The following CD300LG variants were observed in gnomAD, a reference collection of about 807,000 sequenced individuals.
CD300LG encodes CD300 molecule like family member g.
In CD300LG, 29 loss-of-function variants were observed where a neutral mutation model predicts 31.5. The observed-to-expected ratio is 0.92, with a 90% CI of 0.68 to 1.25. The LOEUF (loss-of-function observed/expected upper bound fraction) is 1.25, where lower values mean the gene tolerates loss of function less well. Among genes scored for constraint, CD300LG ranks in the 50% most tolerant of loss-of-function variants. CD300LG has a pLI of 0.00. For missense variants in CD300LG, 396 were observed against 417.6 expected (o/e 0.95, Z 0.45); for synonymous variants, 175 against 177.2 (o/e 0.99, Z 0.10).
At chr17:43,857,242 C>A in intron 6 of CD300LG, 86 bp downstream of exon 6, 1 of 1,525,444 alleles carries the variant, frequency 6.6e-7, no homozygotes, top group South Asian at 1.1e-5. Context: ...CTGTGACTTC[C>A]TACCTGGTCC....
At chr17:43,858,374 C>T (rs2046583946) in intron 6 of CD300LG, 10 of 990,726 alleles carry the variant, frequency 1.0e-5, no homozygotes, top group Non-Finnish European at 1.2e-5. Context: ...GGGTCTCACC[C>T]CACCTAGCTC....
At position 43,861,782 on chromosome 17, in the gene CD300LG, A is replaced by T; in HGVS notation, c.886-16A>T. 8 of 1,557,608 alleles carry T rather than the reference A, an allele frequency of 5.1e-6. No homozygotes were observed. Among genetic ancestry groups the T allele is most frequent in the Non-Finnish European group, 7.0e-6 (8 of 1,149,266 alleles). ...ATCTGGGTTCTGCTCTCCAAACCCC[A>T]CTGTTGTCTTTACAGACTGCGGAGG... On this transcript the variant is annotated splice_polypyrimidine_tract_variant and intron_variant, in intron 6 of 6. Coordinates refer to ENST00000317310, the MANE Select transcript of CD300LG (RefSeq NM_145273.4).
intron 1 of CD300LG, among the ~76,000 whole-genome samples, chr17:43,848,357 A>G (rs1236531348): frequency 6.6e-6 from 1 of 152,146 alleles, no homozygotes; most frequent in African/African-American, 2.4e-5. Flanking sequence ...CAATTCCTCA[A>G]TGGGCCAGGG....
chr17:43,857,035 G>A, intron 5 of CD300LG, 69 bp from the exon 6 acceptor site: 1 of 1,521,878 alleles, frequency 6.6e-7, no homozygotes, highest in Non-Finnish European at 9.1e-7. Context: ...CCACCTTTCT[G>A]GGAGCAGCTA....
rs1481695959 is a variant in CD300LG at position 43,855,188 on chromosome 17, C to A, written c.720-19C>A. Reference sequence around the variant, plus strand: ...CTTATCTGGTAACAGCCACTAGGCTCCTTGCGTCTCGTCTCCAGGGTGTCC... The same window carrying A: ...CTTATCTGGTAACAGCCACTAGGCTACTTGCGTCTCGTCTCCAGGGTGTCC... On this transcript the variant is annotated intron_variant, in intron 4 of 6. Coordinates refer to ENST00000317310, the MANE Select transcript of CD300LG (RefSeq NM_145273.4). 1.3e-6 allele frequency: 2 copies of A among 1,562,488 alleles called. No individual in the cohort carries two copies. Among genetic ancestry groups the A allele is most frequent in the Admixed American group, 3.7e-5 (2 of 53,426 alleles).
chr17:43,855,478 C>A, intron 5 of CD300LG, 159 bp downstream of exon 5: 1 of 471,702 alleles, frequency 2.1e-6, no homozygotes, highest in Non-Finnish European at 3.7e-6. Context: ...TCTGAAGGAG[C>A]CACGAGGTAG....
chr17:43,855,179 C>CACTA, intron 4 of CD300LG, 28 bp from the exon 5 acceptor site: 1 of 1,514,654 alleles, frequency 6.6e-7, no homozygotes, highest in South Asian at 1.2e-5. Context: ...TGGTAACAGC[C>CACTA]ACTAGGCTCC....
chr17:43,858,473 G>T, intron 6 of CD300LG: 1 of 985,426 alleles, frequency 1.0e-6, no homozygotes, highest in Non-Finnish European at 1.2e-6. Context: ...CCTGAGAAGG[G>T]CTGCTTTGGG....
At chr17:43,857,337 C>T in intron 6 of CD300LG, 181 bp downstream of exon 6, 1 of 1,493,064 alleles carries the variant, frequency 6.7e-7, no homozygotes, top group South Asian at 1.3e-5. Flanking sequence ...AGGGTGTGAG[C>T]CGGACACAGT....
At position 43,857,614 on chromosome 17, in the gene CD300LG, C is replaced by A. The variant is rs996800582; in HGVS notation, c.885+458C>A. On this transcript the variant is annotated intron_variant, in intron 6 of 6. Coordinates refer to ENST00000317310, the MANE Select transcript of CD300LG (RefSeq NM_145273.4). The stretch of plus-strand genomic sequence containing the variant: ...CTCCAGGGCCCCAGACCCAGCTGAA[C>A]CCTCCAGGGGTGGGGTCCAGGGACT... The A allele has an allele frequency of 1.7e-5, 19 of 1,146,240 alleles. No individual in the cohort carries two copies. In the East Asian group the frequency reaches 4.6e-4, roughly 28 times the overall value. The allele number at this position is 1,146,240 out of a possible 1,614,324, so 71.0% of individuals were successfully genotyped here. A position where few individuals can be genotyped will look rare whatever the true frequency, so the allele number is the denominator to read the frequency against.
chr17:43,860,572 G>T (rs558685913), intron 6 of CD300LG, among the ~76,000 whole-genome samples: 204 of 152,316 alleles, frequency 1.3e-3, no homozygotes, highest in African/African-American at 4.6e-3. Context: ...GAGCAGCCAG[G>T]CCCGGGTCAG....
intron 4 of CD300LG, among the ~76,000 whole-genome samples, 156 bp from the exon 5 acceptor site, chr17:43,855,051 A>AC (rs34154863): frequency 2.2e-5 from 3 of 136,726 alleles, no homozygotes; most frequent in Admixed American, 7.3e-5. Flanking sequence ...ACTAAATACC[A>AC]CCCCCCCGCA....
At chr17:43,853,776 G>T (rs953353692) in intron 3 of CD300LG, 31 bp from the exon 4 acceptor site, 10 of 1,563,478 alleles carry the variant, frequency 6.4e-6, no homozygotes, top group Admixed American at 1.7e-5. Flanking sequence ...GGGTCAGGAA[G>T]GATGCTGAGG....
intron 5 of CD300LG, 68 bp from the exon 6 acceptor site, chr17:43,857,036 G>C: frequency 6.5e-7 from 1 of 1,531,086 alleles, no homozygotes; most frequent in East Asian, 2.3e-5. Flanking sequence ...CACCTTTCTG[G>C]GAGCAGCTAC....
At chr17:43,853,387 G>A (rs1043976882) in intron 3 of CD300LG, among the ~76,000 whole-genome samples, 3 of 152,178 alleles carry the variant, frequency 2.0e-5, no homozygotes, top group Admixed American at 6.5e-5. Flanking sequence ...ACTGAGGCAC[G>A]GGTGGTTGGG....
intron 6 of CD300LG, chr17:43,858,127 T>C (rs2046577949): frequency 1.5e-6 from 2 of 1,320,168 alleles, no homozygotes; most frequent in African/African-American, 1.5e-5. Context: ...TTGCCTTCTT[T>C]CCTGGCGCCA....
Position 43,861,807 on chromosome 17 carries a change from G to C in CD300LG, c.895G>C (p.Glu299Gln). The change falls in exon 7 of 7, where the codon GAA (glutamate) becomes CAA (glutamine). Residue 299 changes from glutamate (E) to glutamine (Q), a missense_variant. Transcript: ENST00000317310. ...ACTGTTGTCTTTACAGACTGCGGAG[G>C]AAAAGGAAGCCCCTTCCCAGGCCCC... ...KFCLSRLTAE[E>Q]KEAPSQAPEG... 1 of 1,605,708 alleles carries C rather than the reference G, an allele frequency of 6.2e-7. No individual in the cohort carries two copies. Among genetic ancestry groups the C allele is most frequent in the Non-Finnish European group, 8.5e-7 (1 of 1,176,318 alleles).
At chr17:43,861,034 C>T in intron 6 of CD300LG, 1 of 939,838 alleles carries the variant, frequency 1.1e-6, no homozygotes. Context: ...CTGCCTTGCC[C>T]ACCCCTCCCA....
intron 6 of CD300LG, chr17:43,857,485 GA>G (rs1394934542): frequency 6.5e-7 from 1 of 1,532,434 alleles, no homozygotes; most frequent in Non-Finnish European, 8.8e-7. Context: ...ATCAGAGCTG[GA>G]TCCAGATGAA....
Sources: allele counts gnomAD v4.1 joint callset (sites outside exome capture counted in the v4.1 genomes callset), GRCh38; gene constraint gnomAD v4.1.1; transcripts MANE v1.5; gene names NCBI Gene and HGNC (gene_info 2026-07-23, HGNC 2026-07-21).